AUTS2: variants seen among roughly 807,000 people sequenced by gnomAD.
AUTS2 encodes autism susceptibility gene 2 protein.
AUTS2 carries 17 observed loss-of-function variants against 112.4 expected under a neutral mutation model. The ratio of observed to expected loss-of-function variants is 0.15; its 90% CI spans 0.10 to 0.23. The LOEUF is 0.23. AUTS2 is among the 10% of genes least tolerant of loss of function. AUTS2 has a pLI of 1.00. For synonymous variants in AUTS2, 751 were observed against 702.7 expected (o/e 1.07, Z -1.09); for missense variants, 1,510 against 1,701.6 (o/e 0.89, Z 1.98).
intron 2 of AUTS2, among the ~76,000 whole-genome samples, chr7:70,109,223 G>C (rs150170767): frequency 5.5e-4 from 83 of 152,170 alleles, no homozygotes; most frequent in African/African-American, 2.0e-3. Context: ...ATTCATCCTT[G>C]AAAACCAAAT....
At position 70,296,840 on chromosome 7, in the gene AUTS2, ATT is replaced by A. The variant is rs11309209; in HGVS notation, c.661-138894_661-138893del. Among the ~76,000 whole-genome samples the A allele has an allele frequency of 4.5e-3, 574 of 127,894 alleles. 3 individuals are homozygous for A. Among genetic ancestry groups the A allele is most frequent in the East Asian group, 0.013 (55 of 4,362 alleles). 83.9% of individuals were successfully genotyped at this position (127,894 alleles called of 152,430 possible). A position where few individuals can be genotyped will look rare whatever the true frequency, so the allele number is the denominator to read the frequency against. ...TTGATATGTATTTCCCTGGGTATAC[ATT>A]TTTTTTTTTTTTTTTTTGAGACAGT... On this transcript the variant is annotated intron_variant, in intron 4 of 18. Coordinates refer to ENST00000342771, the MANE Select transcript of AUTS2 (RefSeq NM_015570.4).
chr7:69,965,885 G>A (rs1480826967), intron 2 of AUTS2, among the ~76,000 whole-genome samples: 2 of 152,212 alleles, frequency 1.3e-5, no homozygotes, highest in Admixed American at 1.3e-4. Context: ...GTTTTACTAT[G>A]CACTTGTATA....
At chr7:70,688,550 G>A (rs555032008) in intron 5 of AUTS2, among the ~76,000 whole-genome samples, 33 of 152,170 alleles carry the variant, frequency 2.2e-4, no homozygotes, top group Admixed American at 4.6e-4. Context: ...AATCATGGCC[G>A]GGTGCAGTGA....
At chr7:69,760,260 C>G (rs1444837175) in intron 1 of AUTS2, among the ~76,000 whole-genome samples, 1 of 146,804 alleles carries the variant, frequency 6.8e-6, no homozygotes, top group Non-Finnish European at 1.5e-5. Context: ...ATCTCAAACT[C>G]CTGGCCTCAA....
intron 4 of AUTS2, among the ~76,000 whole-genome samples, chr7:70,404,852 A>AT (rs1794467024): frequency 6.6e-6 from 1 of 152,268 alleles, no homozygotes; most frequent in Middle Eastern, 3.4e-3. Flanking sequence ...TTTCATAAGC[A>AT]TTTTCTCTAA....
intron 1 of AUTS2, among the ~76,000 whole-genome samples, chr7:69,822,513 T>C (rs1398929976): frequency 6.6e-6 from 1 of 152,246 alleles, no homozygotes; most frequent in African/African-American, 2.4e-5. Context: ...CTTTTTGCTC[T>C]AGATTCTAGA....
At chr7:69,689,007 T>A (rs1349834869) in intron 1 of AUTS2, among the ~76,000 whole-genome samples, 1 of 152,236 alleles carries the variant, frequency 6.6e-6, no homozygotes, top group Non-Finnish European at 1.5e-5. Context: ...GAATGAATCC[T>A]CTTTGGCACT....
At chr7:70,280,878 T>C (rs934362150) in intron 4 of AUTS2, among the ~76,000 whole-genome samples, 1 of 152,188 alleles carries the variant, frequency 6.6e-6, no homozygotes, top group African/African-American at 2.4e-5. Flanking sequence ...TGCTCACTAA[T>C]GTATAGGTAT....
chr7:70,079,978 TC>T (rs2129564528), intron 2 of AUTS2, among the ~76,000 whole-genome samples: 1 of 152,230 alleles, frequency 6.6e-6, no homozygotes, highest in Non-Finnish European at 1.5e-5. Flanking sequence ...TCTTTTATAA[TC>T]AGCATTAATC....
chr7:69,623,547 TTTTG>T (rs746064097), intron 1 of AUTS2, among the ~76,000 whole-genome samples: 3 of 151,794 alleles, frequency 2.0e-5, no homozygotes, highest in South Asian at 2.1e-4. Context: ...CATTAGGGTT[TTTTG>T]TTTGTTTGTT....
chr7:70,629,714 G>A lies in AUTS2; in HGVS notation c.691-68855G>A, dbSNP rs117496604. Among the ~76,000 whole-genome samples, 511 of 151,858 alleles carry A rather than the reference G, an allele frequency of 3.4e-3. 10 individuals are homozygous for A. The East Asian group carries it at 0.051, about 15-fold the overall frequency. On this transcript the variant is annotated intron_variant, in intron 5 of 18. Transcript: ENST00000342771. ...GTTAATTTTCATCATCATCAGCCTC[G>A]CTGTCTCACCAGCCCCACCTAATTC...
At chr7:69,718,476 C>T (rs1235644657) in intron 1 of AUTS2, among the ~76,000 whole-genome samples, 2 of 152,128 alleles carry the variant, frequency 1.3e-5, no homozygotes, top group Non-Finnish European at 1.5e-5. Context: ...ATGGCTCTTC[C>T]CTTCATCTTC....
At chr7:69,770,151 C>T (rs1264029103) in intron 1 of AUTS2, among the ~76,000 whole-genome samples, 1 of 152,172 alleles carries the variant, frequency 6.6e-6, no homozygotes, top group Admixed American at 6.5e-5. Context: ...TACTGGTCAT[C>T]TTTTATTGAG....
intron 1 of AUTS2, among the ~76,000 whole-genome samples, chr7:69,687,026 A>T (rs1360722871): frequency 6.6e-6 from 1 of 152,218 alleles, no homozygotes; most frequent in Non-Finnish European, 1.5e-5. Context: ...ATGAATGTTT[A>T]CAAGTACTCT....
intron 1 of AUTS2, among the ~76,000 whole-genome samples, chr7:69,833,844 T>C (rs929194899): frequency 6.6e-6 from 1 of 152,216 alleles, no homozygotes; most frequent in African/African-American, 2.4e-5. Flanking sequence ...ACAACAATTA[T>C]GCTAAAAGGT....
chr7:70,491,158 G>A (rs777618789), intron 5 of AUTS2, among the ~76,000 whole-genome samples: 2 of 152,170 alleles, frequency 1.3e-5, no homozygotes, highest in East Asian at 1.9e-4. Context: ...AGTGCCTGCC[G>A]TGTCTTTGTG....
intron 1 of AUTS2, among the ~76,000 whole-genome samples, chr7:69,690,812 G>T (rs531664532): frequency 1.3e-5 from 2 of 152,166 alleles, no homozygotes; most frequent in African/African-American, 2.4e-5. Flanking sequence ...TTTCAGTCCC[G>T]CAATTCAGCG....
intron 1 of AUTS2, among the ~76,000 whole-genome samples, chr7:69,694,118 G>C (rs1206343056): frequency 6.6e-6 from 1 of 152,122 alleles, no homozygotes; most frequent in Non-Finnish European, 1.5e-5. Context: ...CCTTAGACTC[G>C]TGTGTGATTG....
intron 1 of AUTS2, among the ~76,000 whole-genome samples, chr7:69,760,688 G>A (rs1015769320): frequency 1.3e-5 from 2 of 152,172 alleles, no homozygotes; most frequent in Non-Finnish European, 2.9e-5. Context: ...GGGCGTGGTG[G>A]CACAAGTCTG....
Sources: allele counts gnomAD v4.1 joint callset (sites outside exome capture counted in the v4.1 genomes callset), GRCh38; gene constraint gnomAD v4.1.1; transcripts MANE v1.5; gene names NCBI Gene and HGNC (gene_info 2026-07-23, HGNC 2026-07-21).